The following PRCD variants were observed in gnomAD, a reference collection of about 807,000 sequenced individuals.
PRCD encodes photoreceptor disc component, also known as photoreceptor disk component PRCD.
In PRCD, 12 loss-of-function variants were observed where a neutral mutation model predicts 10.1. That is an observed-to-expected ratio of 1.18 (90% confidence interval 0.76 to 1.92). The LOEUF is 1.92. Among genes scored for constraint, PRCD ranks in the 40% most tolerant of loss-of-function variants. The pLI, the probability that PRCD is intolerant of heterozygous loss-of-function variation, is 0.00. For missense variants in PRCD, 61 were observed against 72.2 expected, an observed-to-expected ratio of 0.84 and a Z score of 0.56; for synonymous variants, 31 against 26.2, an observed-to-expected ratio of 1.18 and a Z score of -0.56.
At chr17:76,548,699 G>T (rs2075079652), downstream of PRCD, among the ~76,000 whole-genome samples, 1 of 152,230 alleles carries the variant, frequency 6.6e-6, no homozygotes, top group Admixed American at 6.5e-5. Flanking sequence ...CTCTCTGGGG[G>T]CCCCACCGAC....
Position 76,545,243 on chromosome 17 carries a change from C to G in PRCD, c.*1593C>G. The G allele has an allele frequency of 2.2e-6, 1 of 456,802 alleles. No individual in the cohort carries two copies. Among genetic ancestry groups the G allele is most frequent in the South Asian group, 1.5e-5 (1 of 64,576 alleles). 28.3% of individuals were successfully genotyped at this position (456,802 alleles called of 1,614,324 possible). A position where few individuals can be genotyped will look rare whatever the true frequency, so the allele number is the denominator to read the frequency against. ...GAAAGTTACCTCTCTCAGCCTAGAGCTCCCCACAGAAGGCTCCTGGGACCC... is the reference window on the plus strand; with the variant it reads ...GAAAGTTACCTCTCTCAGCCTAGAGGTCCCCACAGAAGGCTCCTGGGACCC... On this transcript the variant is annotated 3_prime_UTR_variant, in exon 5 of 5. Coordinates refer to ENST00000592014, the MANE Select transcript of PRCD (RefSeq NM_001077620.3).
In PRCD at chr17:76,531,922, G is replaced by A; in HGVS notation, n.45+4089G>A. Reference sequence around the variant, plus strand: ...CTATCTGCCAGGCTTGCTCAGGCTGGCGGCTTCATCTCCTAGGCCTCTGTC... The same window carrying A: ...CTATCTGCCAGGCTTGCTCAGGCTGACGGCTTCATCTCCTAGGCCTCTGTC... On this transcript the variant is annotated intron_variant and non_coding_transcript_variant, in intron 1 of 4. Coordinates refer to the PRCD transcript ENST00000397633. This position sits in a 1 kb window ranked among gnomAD's most constrained non-coding sequence, Gnocchi z 7.4. 2.1e-6 allele frequency: 1 copy of A among 475,432 alleles called. No individual in the cohort carries two copies. 29.5% of individuals were successfully genotyped at this position (475,432 alleles called of 1,614,324 possible).
chr17:76,537,613 G>A (rs1458858676), upstream of PRCD: 1 of 1,013,102 alleles, frequency 9.9e-7, no homozygotes, highest in African/African-American at 1.7e-5. Flanking sequence ...GGGGCGCGGG[G>A]CGCCGGGAGC....
At position 76,540,090 on chromosome 17, in the gene PRCD, C is replaced by T. The variant is rs566126436; in HGVS notation, c.-52C>T. On this transcript the variant is annotated 5_prime_UTR_variant, in exon 1 of 5. Transcript: ENST00000592014. This position sits in a 1 kb window ranked among gnomAD's most constrained non-coding sequence, Gnocchi z 5.0. ...GCTGGCTGGGGCCATTTTGGCCCCT[C>T]GCCTGTGGCCTTCTGCAGACTTGGC... 53 of 1,558,166 alleles carry T rather than the reference C, an allele frequency of 3.4e-5. No homozygotes were observed. The highest frequency in any genetic ancestry group is 2.5e-4 in the Admixed American group (13 of 52,634).
Position 76,545,164 on chromosome 17 carries a change from C to G in PRCD, c.*1514C>G, listed in dbSNP as rs1388914386. 2.2e-6 allele frequency: 1 copy of G among 456,608 alleles called. No homozygotes were observed. The highest frequency in any genetic ancestry group is 6.9e-5 in the East Asian group (1 of 14,404). The allele number at this position is 456,608 out of a possible 1,614,324, so 28.3% of individuals were successfully genotyped here. On this transcript the variant is annotated 3_prime_UTR_variant, in exon 5 of 5. Transcript: ENST00000592014. ...CACGCTCGCCTCTTATTCCCGGGGC[C>G]TCTCCCACCCCTGGGCTCTCTGCGC...
downstream of PRCD, among the ~76,000 whole-genome samples, chr17:76,547,984 A>G (rs941230167): frequency 2.6e-5 from 4 of 151,994 alleles, no homozygotes; most frequent in African/African-American, 9.7e-5. Flanking sequence ...ATACACATAC[A>G]TACACATTCA....
upstream of PRCD, chr17:76,537,477 C>T (rs1199776421): frequency 1.3e-6 from 2 of 1,593,636 alleles, no homozygotes; most frequent in South Asian, 2.2e-5. Flanking sequence ...CCTTCCTCTC[C>T]GCCTCGGACA....
upstream of PRCD, among the ~76,000 whole-genome samples, chr17:76,539,581 G>C (rs187178003): frequency 2.0e-5 from 3 of 152,276 alleles, no homozygotes; most frequent in East Asian, 5.8e-4. Context: ...CTCTCCTGAT[G>C]CTTCCACGGT....
At chr17:76,542,777 CT>C in intron 3 of PRCD, 144 bp downstream of exon 3, 1 of 674,026 alleles carries the variant, frequency 1.5e-6, no homozygotes, top group Non-Finnish European at 2.7e-6. Context: ...GGCGGATGGA[CT>C]CATGCCTTTG....
At position 76,531,821 on chromosome 17, in the gene PRCD, C is replaced by A. The variant is rs370221832; in HGVS notation, n.45+3988C>A. ...CACCCCCGCACCGTCACTGTTTTCA[C>A]TACCATCAGTAGACCTCAGCATAGA... On this transcript the variant is annotated intron_variant and non_coding_transcript_variant, in intron 1 of 4. Coordinates refer to the PRCD transcript ENST00000397633. The surrounding 1 kb of genome is among the most constrained non-coding windows in gnomAD (Gnocchi z 7.4). The A allele has an allele frequency of 9.0e-5, 66 of 736,628 alleles. 1 individual carries two copies. In the East Asian group the frequency reaches 1.7e-3, roughly 19 times the overall value. The allele number at this position is 736,628 out of a possible 1,614,324, so 45.6% of individuals were successfully genotyped here.
Position 76,544,739 on chromosome 17 carries a change from A to G in PRCD, c.*1089A>G, listed in dbSNP as rs1181635422. 6.6e-6 allele frequency: 3 copies of G among 456,596 alleles called. No homozygotes were observed. The highest frequency in any genetic ancestry group is 6.0e-5 in the African/African-American group (3 of 50,072). 28.3% of individuals were successfully genotyped at this position (456,596 alleles called of 1,614,324 possible). A position where few individuals can be genotyped will look rare whatever the true frequency, so the allele number is the denominator to read the frequency against. The stretch of plus-strand genomic sequence containing the variant: ...GACCCAGTCTGTGTTCCCCGATCCT[A>G]TCTGCATTTATTCTCTATTTGCCAT... On this transcript the variant is annotated 3_prime_UTR_variant, in exon 5 of 5. Coordinates refer to ENST00000592014, the MANE Select transcript of PRCD (RefSeq NM_001077620.3).
Position 76,528,290 on chromosome 17 carries a change from G to T in PRCD, n.45+457G>T, listed in dbSNP as rs560413801. 2.5e-6 allele frequency: 1 copy of T among 400,076 alleles called. No homozygotes were observed. The highest frequency in any genetic ancestry group is 1.2e-4 in the South Asian group (1 of 8,344). 24.8% of individuals were successfully genotyped at this position (400,076 alleles called of 1,614,324 possible). ...CCTAAGGGACTCCTAGACCTGTCCCGCTTCCTGCCAGCCGCTCAGCTAGGT... is the reference window on the plus strand; with the variant it reads ...CCTAAGGGACTCCTAGACCTGTCCCTCTTCCTGCCAGCCGCTCAGCTAGGT... On this transcript the variant is annotated intron_variant and non_coding_transcript_variant, in intron 1 of 4. Transcript: ENST00000397633. The surrounding 1 kb of genome is among the most constrained non-coding windows in gnomAD (Gnocchi z 5.8).
upstream of PRCD, among the ~76,000 whole-genome samples, chr17:76,535,192 T>C (rs2074901947): frequency 6.6e-6 from 1 of 152,046 alleles, no homozygotes; most frequent in Non-Finnish European, 1.5e-5. Flanking sequence ...TTCTCCAGGT[T>C]GGGGGTGTGG....
At chr17:76,553,164 C>G (rs546304824) in exon 2 of PRCD, 3 of 152,110 alleles carry the variant, frequency 2.0e-5, no homozygotes, top group Non-Finnish European at 4.4e-5. Flanking sequence ...TCCAGCAGGC[C>G]CAGCATCACT....
chr17:76,529,613 C>A, intron 1 of PRCD: 2 of 985,336 alleles, frequency 2.0e-6, no homozygotes, highest in Non-Finnish European at 2.4e-6. Context: ...TAAACAAACT[C>A]ATCTTTGGCA....
chr17:76,537,620 G>A (rs889567340), upstream of PRCD: 11 of 991,022 alleles, frequency 1.1e-5, no homozygotes, highest in African/African-American at 1.1e-4. Context: ...GGGGCGCCGG[G>A]AGCCGGGGCC....
At chr17:76,529,193 C>T in intron 1 of PRCD, 1 of 985,350 alleles carries the variant, frequency 1.0e-6, no homozygotes, top group African/African-American at 1.7e-5. Context: ...TCCATCCTAC[C>T]CTCGAGCCCA....
downstream of PRCD, among the ~76,000 whole-genome samples, chr17:76,547,815 T>C (rs1457445511): frequency 2.9e-5 from 4 of 137,744 alleles, no homozygotes; most frequent in Admixed American, 2.1e-4. Flanking sequence ...GAGACACACA[T>C]TCACACACAC....
chr17:76,529,953 C>T, intron 1 of PRCD: 6 of 985,288 alleles, frequency 6.1e-6, no homozygotes, highest in Non-Finnish European at 6.0e-6. Context: ...CCAGTGTGGT[C>T]AGCAGCAGGA....
Sources: allele counts gnomAD v4.1 joint callset (sites outside exome capture counted in the v4.1 genomes callset), GRCh38; gene constraint gnomAD v4.1.1; non-coding constraint Gnocchi (gnomAD v3.1); transcripts MANE v1.5; gene names NCBI Gene and HGNC (gene_info 2026-07-23, HGNC 2026-07-21).